TLE4: variants seen among roughly 807,000 people sequenced by gnomAD.
The protein encoded by TLE4 is TLE family member 4, transcriptional corepressor, also known as transducin-like enhancer protein 4.
Under a neutral mutation model 92.8 loss-of-function variants are expected in TLE4, and 8 were observed. The ratio of observed to expected loss-of-function variants is 0.09; its 90% CI spans 0.05 to 0.16. The LOEUF (loss-of-function observed/expected upper bound fraction) is 0.16. Among genes scored for constraint, TLE4 ranks in the 10% least tolerant of loss-of-function variants. The pLI is 1.00. For synonymous variants in TLE4, 371 were observed against 374.1 expected (o/e 0.99, Z 0.10); for missense variants, 675 against 997.6 (o/e 0.68, Z 4.36).
At chr9:79,649,865 G>A (rs772762713) in intron 6 of TLE4, 1 of 1,362,774 alleles carries the variant, frequency 7.3e-7, no homozygotes, top group Non-Finnish European at 9.8e-7. Context: ...AAAGGTATTG[G>A]GCTTTGGCTG....
At chr9:79,706,593 C>T (rs1225553705) in intron 10 of TLE4, among the ~76,000 whole-genome samples, 154 bp from the exon 11 acceptor site, 2 of 151,946 alleles carry the variant, frequency 1.3e-5, no homozygotes, top group African/African-American at 2.4e-5. Context: ...TGAATATTTT[C>T]GTTAGTAGTT....
intron 6 of TLE4, among the ~76,000 whole-genome samples, chr9:79,636,004 C>G (rs1032102689): frequency 1.3e-5 from 2 of 152,108 alleles, no homozygotes; most frequent in African/African-American, 4.8e-5. Flanking sequence ...TCCATCTCCT[C>G]CTGGTCCAAG....
At chr9:79,573,258 G>C (rs553706019) in intron 1 of TLE4, 1 of 1,019,660 alleles carries the variant, frequency 9.8e-7, no homozygotes, top group Non-Finnish European at 1.2e-6. Context: ...CCGCCGGGGC[G>C]AGCGGGCGAA....
chr9:79,663,581 C>G (rs1048307125), intron 8 of TLE4: 3 of 152,242 alleles, frequency 2.0e-5, no homozygotes, highest in Middle Eastern at 3.2e-3. Flanking sequence ...AAGCAAGGTT[C>G]CCCTGGTTTC....
chr9:79,581,984 G>A (rs1357346587), intron 4 of TLE4, among the ~76,000 whole-genome samples: 2 of 152,094 alleles, frequency 1.3e-5, no homozygotes, highest in African/African-American at 4.8e-5. Flanking sequence ...TTATCAAGAT[G>A]GAATTTGCTT....
rs2071459245 is a variant in TLE4 at position 79,706,014 on chromosome 9, T to C, written c.783+72T>C. On this transcript the variant is annotated intron_variant, in intron 10 of 19. Coordinates refer to ENST00000376552, the MANE Select transcript of TLE4 (RefSeq NM_007005.6). ...AAAGACTAGTTGCCCAAACAATTAG[T>C]ATCCAAAATATCTTGAGGTTTGTCG... 8.9e-5 allele frequency: 119 copies of C among 1,333,336 alleles called. 2 individuals are homozygous for C. In the South Asian group the frequency reaches 1.3e-3, roughly 15 times the overall value. 82.6% of individuals were successfully genotyped at this position (1,333,336 alleles called of 1,614,324 possible).
intron 5 of TLE4, among the ~76,000 whole-genome samples, chr9:79,621,971 C>T (rs2051128247): frequency 6.6e-6 from 1 of 152,252 alleles, no homozygotes; most frequent in Non-Finnish European, 1.5e-5. Flanking sequence ...GTTTACCTCT[C>T]TGCCATCCAC....
chr9:79,715,906 C>T (rs1299869290), intron 14 of TLE4, among the ~76,000 whole-genome samples: 1 of 152,306 alleles, frequency 6.6e-6, no homozygotes, highest in Non-Finnish European at 1.5e-5. Flanking sequence ...TCCAGTACAA[C>T]CTACTGTGGC....
At chr9:79,626,252 G>A (rs185483682) in intron 5 of TLE4, among the ~76,000 whole-genome samples, 17 of 152,240 alleles carry the variant, frequency 1.1e-4, no homozygotes, top group Admixed American at 7.8e-4. Context: ...GGTGGTTCAC[G>A]GAGAATTCCA....
At chr9:79,714,499 C>T (rs781714256) in intron 14 of TLE4, among the ~76,000 whole-genome samples, 14 of 152,190 alleles carry the variant, frequency 9.2e-5, no homozygotes, top group Non-Finnish European at 1.8e-4. Context: ...CTTTTGCTCT[C>T]TGCTATTCTT....
chr9:79,665,881 C>G (rs1159588798), intron 8 of TLE4, among the ~76,000 whole-genome samples: 2 of 152,126 alleles, frequency 1.3e-5, no homozygotes, highest in East Asian at 3.8e-4. Context: ...TAAAAATTGC[C>G]AGCTTTCTAG....
chr9:79,609,578 G>A (rs1296077563), intron 4 of TLE4, among the ~76,000 whole-genome samples: 1 of 152,020 alleles, frequency 6.6e-6, no homozygotes, highest in Non-Finnish European at 1.5e-5. Flanking sequence ...GTCAAAAATT[G>A]TTAATGTGTT....
intron 5 of TLE4, among the ~76,000 whole-genome samples, chr9:79,619,388 G>T (rs373088938): frequency 1.5e-4 from 23 of 152,272 alleles, no homozygotes; most frequent in South Asian, 8.3e-4. Context: ...GAATAATTGT[G>T]AAATGAAAGT....
chr9:79,654,332 T>G (rs572874338), intron 8 of TLE4, among the ~76,000 whole-genome samples: 1 of 152,086 alleles, frequency 6.6e-6, no homozygotes, highest in East Asian at 1.9e-4. Flanking sequence ...ATTTTATTAT[T>G]TGCCATGTGA....
At chr9:79,719,895 T>G (rs2075283135) in intron 15 of TLE4, 151 bp from the exon 16 acceptor site, 1 of 1,032,898 alleles carries the variant, frequency 9.7e-7, no homozygotes, top group Non-Finnish European at 1.4e-6. Context: ...TTCATGTAAT[T>G]TTCTAGCATT....
At chr9:79,607,509 T>A (rs190607500) in intron 4 of TLE4, among the ~76,000 whole-genome samples, 35 of 152,324 alleles carry the variant, frequency 2.3e-4, no homozygotes, top group African/African-American at 7.9e-4. Flanking sequence ...GTGTTAGGTC[T>A]TACACTTAAG....
chr9:79,614,204 C>A (rs1407767516), intron 5 of TLE4, among the ~76,000 whole-genome samples: 27 of 152,074 alleles, frequency 1.8e-4, no homozygotes, highest in Admixed American at 1.8e-3. Context: ...AGAGCTGTAA[C>A]CAGGCTGGGG....
intron 5 of TLE4, among the ~76,000 whole-genome samples, chr9:79,622,596 T>C (rs1199140947): frequency 2.0e-5 from 3 of 152,206 alleles, no homozygotes; most frequent in African/African-American, 7.2e-5. Context: ...GTTGTAATTA[T>C]AGAGCCTTTT....
chr9:79,709,796 T>A, intron 14 of TLE4, 97 bp downstream of exon 14: 2 of 897,612 alleles, frequency 2.2e-6, no homozygotes, highest in Non-Finnish European at 3.4e-6. Flanking sequence ...GTTGGGGGAG[T>A]TCCCATGACT....
Sources: gnomAD v4.1 joint callset for allele counts (sites outside exome capture counted in the v4.1 genomes callset) on GRCh38, gnomAD v4.1.1 for gene constraint, MANE v1.5 for transcripts, NCBI Gene and HGNC (gene_info 2026-07-23, HGNC 2026-07-21) for gene names.